The following ZFAND3 variants were observed in gnomAD, a reference collection of about 807,000 sequenced individuals.
ZFAND3 encodes the protein zinc finger AN1-type containing 3.
Under a neutral mutation model 29.6 loss-of-function variants are expected in ZFAND3, and 10 were observed. That is an observed-to-expected ratio of 0.34 (90% confidence interval 0.21 to 0.57). The LOEUF (loss-of-function observed/expected upper bound fraction) is 0.57. ZFAND3 is among the 20% of genes least tolerant of loss of function. The pLI is 0.86. For synonymous variants in ZFAND3, 128 were observed against 112.6 expected (o/e 1.14, Z -0.87); for missense variants, 230 against 304.5 (o/e 0.76, Z 1.82).
At chr6:37,931,619 A>G (rs1761598128) in intron 2 of ZFAND3, among the ~76,000 whole-genome samples, 1 of 152,120 alleles carries the variant, frequency 6.6e-6, no homozygotes, top group African/African-American at 2.4e-5. Flanking sequence ...TTAATGTGAA[A>G]GGAGGGAGTG....
chr6:37,851,928 A>G (rs1764288823), intron 1 of ZFAND3, among the ~76,000 whole-genome samples: 1 of 152,206 alleles, frequency 6.6e-6, no homozygotes, highest in African/African-American at 2.4e-5. Context: ...CTTTAAAGGC[A>G]CAGAAACAAT....
intron 2 of ZFAND3, among the ~76,000 whole-genome samples, chr6:37,984,009 G>A (rs1474109505): frequency 6.6e-6 from 1 of 152,192 alleles, no homozygotes; most frequent in African/African-American, 2.4e-5. Context: ...ATCCTTCACT[G>A]TAGGTGATTC....
chr6:38,124,854 G>A (rs1240018089), intron 5 of ZFAND3, among the ~76,000 whole-genome samples: 6 of 152,230 alleles, frequency 3.9e-5, no homozygotes, highest in Non-Finnish European at 1.5e-5. Context: ...CGAGGGCTGC[G>A]AGGGCTGCCA....
At chr6:37,852,517 A>G (rs540746728) in intron 1 of ZFAND3, among the ~76,000 whole-genome samples, 18 of 152,156 alleles carry the variant, frequency 1.2e-4, no homozygotes, top group African/African-American at 4.1e-4. Context: ...TGGTGTCTCT[A>G]TCACCTCATG....
At chr6:37,924,231 C>A (rs1223803242) in intron 1 of ZFAND3, among the ~76,000 whole-genome samples, 8 of 151,240 alleles carry the variant, frequency 5.3e-5, no homozygotes, top group African/African-American at 1.9e-4. Context: ...GACAGGCTGA[C>A]AGCCACAGGA....
intron 1 of ZFAND3, among the ~76,000 whole-genome samples, chr6:37,927,735 C>G (rs576896413): frequency 3.5e-4 from 54 of 152,220 alleles, no homozygotes; most frequent in Admixed American, 5.9e-4. Context: ...TTTACTTTCT[C>G]AGGGAACTGA....
intron 3 of ZFAND3, among the ~76,000 whole-genome samples, chr6:38,070,955 ATG>A (rs1764442802): frequency 6.6e-6 from 1 of 151,536 alleles, no homozygotes; most frequent in Non-Finnish European, 1.5e-5. Context: ...GCATTGTTTT[ATG>A]TGTTTATTAG....
chr6:38,104,108 G>A (rs1180542446), intron 4 of ZFAND3, among the ~76,000 whole-genome samples: 1 of 152,194 alleles, frequency 6.6e-6, no homozygotes, highest in Non-Finnish European at 1.5e-5. Flanking sequence ...GATGACTGCT[G>A]TATTGCTAGC....
intron 1 of ZFAND3, among the ~76,000 whole-genome samples, chr6:37,911,377 A>G (rs964179718): frequency 1.3e-5 from 2 of 152,164 alleles, no homozygotes; most frequent in East Asian, 1.9e-4. Context: ...TTGACCATTT[A>G]AAAAATTGGG....
rs56045448 is a variant in ZFAND3 at position 37,913,708 on chromosome 6, C to CTTTTTTTTTTTTTTTTTTTTTT, written c.72-16232_72-16231insTTTTTTTTTTTTTTTTTTTTTT. ...CCCAGCTGTCTATGGCAGCTATATTCTTTTTTTTTTTTTTTTTTTGAGACA... is the reference window on the plus strand; with the variant it reads ...CCCAGCTGTCTATGGCAGCTATATTCTTTTTTTTTTTTTTTTTTTTTTTTTTTTTTTTTTTTTTTTTGAGACA... On this transcript the variant is annotated intron_variant, in intron 1 of 5. Coordinates refer to ENST00000287218, the MANE Select transcript of ZFAND3 (RefSeq NM_021943.3). Among the ~76,000 whole-genome samples, 46 of 113,036 alleles carry CTTTTTTTTTTTTTTTTTTTTTT rather than the reference C, an allele frequency of 4.1e-4. 4 individuals are homozygous for CTTTTTTTTTTTTTTTTTTTTTT. The highest frequency in any genetic ancestry group is 5.0e-4 in the African/African-American group (15 of 29,772). 74.2% of individuals were successfully genotyped at this position (113,036 alleles called of 152,430 possible). A position where few individuals can be genotyped will look rare whatever the true frequency, so the allele number is the denominator to read the frequency against.
At chr6:38,131,474 A>C (rs754909245) in intron 5 of ZFAND3, among the ~76,000 whole-genome samples, 3 of 152,206 alleles carry the variant, frequency 2.0e-5, no homozygotes, top group Non-Finnish European at 2.9e-5. Flanking sequence ...CTGCCTGTAC[A>C]TTTTATAGAC....
At chr6:38,095,632 C>T (rs551574562) in intron 4 of ZFAND3, among the ~76,000 whole-genome samples, 16 of 152,262 alleles carry the variant, frequency 1.1e-4, no homozygotes, top group Admixed American at 9.2e-4. Context: ...CAAATACACC[C>T]CCAAGTTAGT....
At chr6:37,934,185 G>A (rs1426454130) in intron 2 of ZFAND3, among the ~76,000 whole-genome samples, 2 of 147,772 alleles carry the variant, frequency 1.4e-5, no homozygotes, top group Non-Finnish European at 3.0e-5. Flanking sequence ...ACTGCGCCCG[G>A]CCCTTTTTTT....
At chr6:38,001,649 C>G (rs1422169346) in intron 2 of ZFAND3, among the ~76,000 whole-genome samples, 1 of 152,014 alleles carries the variant, frequency 6.6e-6, no homozygotes, top group African/African-American at 2.4e-5. Flanking sequence ...TTAATTCATC[C>G]CTTGGTCATA....
At chr6:37,987,010 A>AT (rs1762683024) in intron 2 of ZFAND3, among the ~76,000 whole-genome samples, 1 of 152,252 alleles carries the variant, frequency 6.6e-6, no homozygotes, top group African/African-American at 2.4e-5. Context: ...CATTTCCTGA[A>AT]TATAGGGCAA....
intron 1 of ZFAND3, among the ~76,000 whole-genome samples, chr6:37,833,957 C>T (rs145021668): frequency 7.2e-4 from 110 of 152,098 alleles, no homozygotes; most frequent in African/African-American, 2.6e-3. Flanking sequence ...CCCCTACTAT[C>T]GACATCTCAC....
At chr6:38,047,586 A>AT (rs1763929650) in intron 2 of ZFAND3, among the ~76,000 whole-genome samples, 1 of 152,198 alleles carries the variant, frequency 6.6e-6, no homozygotes, top group African/African-American at 2.4e-5. Flanking sequence ...TGTGAGGCTC[A>AT]TACTTCCCTG....
intron 2 of ZFAND3, among the ~76,000 whole-genome samples, chr6:37,978,475 T>C (rs934259768): frequency 2.0e-5 from 3 of 152,174 alleles, no homozygotes; most frequent in Admixed American, 6.5e-5. Context: ...CCTTCCTCTT[T>C]AATTTTCTGT....
At chr6:38,095,789 T>G (rs1352628673) in intron 4 of ZFAND3, among the ~76,000 whole-genome samples, 1 of 152,138 alleles carries the variant, frequency 6.6e-6, no homozygotes, top group Non-Finnish European at 1.5e-5. Context: ...CCCAGCACTT[T>G]GGGAGGTGGA....
Sources: gnomAD v4.1 joint callset for allele counts (sites outside exome capture counted in the v4.1 genomes callset) on GRCh38, gnomAD v4.1.1 for gene constraint, MANE v1.5 for transcripts, NCBI Gene and HGNC (gene_info 2026-07-23, HGNC 2026-07-21) for gene names.